SMAP2: variants seen among roughly 807,000 people sequenced by gnomAD.
The protein encoded by SMAP2 is small ArfGAP2.
A neutral mutation model predicts 56.4 loss-of-function variants in SMAP2; 25 were observed. That is an observed-to-expected ratio of 0.44 (90% confidence interval 0.32 to 0.62). The LOEUF (loss-of-function observed/expected upper bound fraction) is 0.62. SMAP2 is among the 20% of genes least tolerant of loss of function. The pLI, the probability that SMAP2 is intolerant of heterozygous loss-of-function variation, is 0.04. For synonymous variants in SMAP2, 157 were observed against 181.7 expected, an observed-to-expected ratio of 0.86 and a Z score of 1.09; for missense variants, 388 against 545.6, an observed-to-expected ratio of 0.71 and a Z score of 2.88.
In SMAP2 at chr1:40,374,329, A is replaced by T; in HGVS notation, c.103+106A>T. On this transcript the variant is annotated intron_variant, in intron 1 of 9. Transcript: ENST00000372718. This position sits in a 1 kb window ranked among gnomAD's most constrained non-coding sequence, Gnocchi z 5.9. The stretch of plus-strand genomic sequence containing the variant: ...AAGCTTAGGCCGCCCAACTCGGCTT[A>T]TAAGTGGTAACGCGTGCTGCGCTTG... 1 of 940,392 alleles carries T rather than the reference A, an allele frequency of 1.1e-6. No homozygotes were observed. The allele number at this position is 940,392 out of a possible 1,614,324, so 58.3% of individuals were successfully genotyped here.
chr1:40,391,582 T>G (rs1644717486), intron 1 of SMAP2, among the ~76,000 whole-genome samples: 1 of 152,108 alleles, frequency 6.6e-6, no homozygotes, highest in African/African-American at 2.4e-5. Context: ...GCATCCAGAA[T>G]CTAGTATTAT....
At chr1:40,391,557 G>A (rs968113235) in intron 1 of SMAP2, among the ~76,000 whole-genome samples, 2 of 152,090 alleles carry the variant, frequency 1.3e-5, no homozygotes, top group African/African-American at 2.4e-5. Context: ...GTTATGGATC[G>A]GGACTGGGTC....
intron 9 of SMAP2, 119 bp from the exon 10 acceptor site, chr1:40,421,857 G>C: frequency 8.6e-7 from 1 of 1,168,290 alleles, no homozygotes; most frequent in South Asian, 1.4e-5. Context: ...GTCCATAACA[G>C]AGTTTCCCTT....
chr1:40,386,944 T>A lies in SMAP2; in HGVS notation c.103+12721T>A, dbSNP rs755425605. 1.3e-4 allele frequency among the ~76,000 whole-genome samples: 19 copies of A among 150,720 alleles called. No individual in the cohort carries two copies. Among genetic ancestry groups the A allele is most frequent in the Non-Finnish European group, 2.8e-4 (19 of 67,730 alleles). On this transcript the variant is annotated intron_variant, in intron 1 of 9. Transcript: ENST00000372718. This position sits in a 1 kb window ranked among gnomAD's most constrained non-coding sequence, Gnocchi z 4.1. Reference sequence around the variant, plus strand: ...CGATCTCAGCTCACTGCAGCCTCTATCAGGCTTAAGCAGTTCTTCTGTCTC... The same window carrying A: ...CGATCTCAGCTCACTGCAGCCTCTAACAGGCTTAAGCAGTTCTTCTGTCTC...
chr1:40,414,143 C>G lies in SMAP2; in HGVS notation c.490-16C>G. 1 of 1,612,814 alleles carries G rather than the reference C, an allele frequency of 6.2e-7. No homozygotes were observed. Among genetic ancestry groups the G allele is most frequent in the Non-Finnish European group, 8.5e-7 (1 of 1,178,938 alleles). On this transcript the variant is annotated splice_polypyrimidine_tract_variant and intron_variant, in intron 5 of 9. Coordinates refer to ENST00000372718, the MANE Select transcript of SMAP2 (RefSeq NM_022733.3). The stretch of plus-strand genomic sequence containing the variant: ...ACCACCTGCTTATTTCTTGCTATAA[C>G]ATATTTTCACCTTAGCCACAGAAAA...
Position 40,413,265 on chromosome 1 carries a change from G to A in SMAP2, c.489+163G>A, listed in dbSNP as rs184375255. ...TGCCTGCTATCATTTCTGCTCTCTC[G>A]TTACCAGTTGCTGCCTAAATCTGCT... is the stretch of plus-strand genomic sequence containing the variant. On this transcript the variant is annotated intron_variant, in intron 5 of 9. Transcript: ENST00000372718. Among the ~76,000 whole-genome samples, 525 of 152,250 alleles carry A rather than the reference G, an allele frequency of 3.4e-3. 2 individuals are homozygous for A. The highest frequency in any genetic ancestry group is 0.012 in the African/African-American group (487 of 41,536).
chr1:40,406,643 T>C (rs972526494), intron 1 of SMAP2, 93 bp from the exon 2 acceptor site: 3 of 1,375,996 alleles, frequency 2.2e-6, no homozygotes, highest in African/African-American at 2.9e-5. Context: ...ATTTCACTTA[T>C]GTTCTAGCAG....
chr1:40,402,444 T>C (rs1644844318), intron 1 of SMAP2, among the ~76,000 whole-genome samples: 1 of 152,118 alleles, frequency 6.6e-6, no homozygotes, highest in South Asian at 2.1e-4. Context: ...CTTCTAACTG[T>C]ATTTTTGTAT....
intron 1 of SMAP2, among the ~76,000 whole-genome samples, chr1:40,378,246 C>T (rs1374503386): frequency 6.6e-6 from 1 of 152,168 alleles, no homozygotes; most frequent in African/African-American, 2.4e-5. Context: ...CACTTAGCCT[C>T]CCAAAGTGCT....
chr1:40,412,083 A>AT lies in SMAP2; in HGVS notation c.403-930dup, dbSNP rs969621447. On this transcript the variant is annotated intron_variant, in intron 4 of 9. Transcript: ENST00000372718. ...GCTAAATCACTGAAAGTAATAATTT[A>AT]TTTACCATTTCCCTTCTGTGGCATA... 9.2e-5 allele frequency among the ~76,000 whole-genome samples: 14 copies of AT among 152,274 alleles called. 1 individual carries two copies. Among genetic ancestry groups the AT allele is most frequent in the East Asian group, 5.8e-4 (3 of 5,190 alleles).
chr1:40,392,772 A>G lies in SMAP2; in HGVS notation c.104-13964A>G, dbSNP rs146028027. On this transcript the variant is annotated intron_variant, in intron 1 of 9. Transcript: ENST00000372718. Reference sequence around the variant, plus strand: ...TAAGCAATCTAAAACTTAAATCCACATAAGCAAAATAGTCATACTAGGTTT... The same window carrying G: ...TAAGCAATCTAAAACTTAAATCCACGTAAGCAAAATAGTCATACTAGGTTT... 6.9e-4 allele frequency among the ~76,000 whole-genome samples: 105 copies of G among 152,300 alleles called. 3 individuals are homozygous for G. In the East Asian group the frequency reaches 0.012, roughly 17 times the overall value.
chr1:40,377,709 T>C (rs1644553992), intron 1 of SMAP2, among the ~76,000 whole-genome samples: 1 of 152,218 alleles, frequency 6.6e-6, no homozygotes. Flanking sequence ...GGGGTCATAC[T>C]GGTCCAAGTT....
At chr1:40,372,137 C>A (rs188472052), upstream of SMAP2, among the ~76,000 whole-genome samples, 8 of 152,194 alleles carry the variant, frequency 5.3e-5, 1 homozygote, top group Admixed American at 2.0e-4. Flanking sequence ...TTAAAAGCTC[C>A]CTCTAGAGAG....
intron 1 of SMAP2, among the ~76,000 whole-genome samples, chr1:40,379,968 T>C (rs1644581433): frequency 6.6e-6 from 1 of 152,232 alleles, no homozygotes; most frequent in Non-Finnish European, 1.5e-5. Context: ...GTTAAATTCC[T>C]TTACTTTGCT....
In SMAP2 at chr1:40,416,856, C is replaced by T; in HGVS notation, c.924C>T (p.Ser308=). ...PSFPGVTPPN[S]IMGSMMPPPV... is the part of the protein sequence containing the mutation. ...TCCCCGGGGTTACACCTCCTAACAG[C>T]ATAATGGGGAGCATGATGCCTCCAC... The change falls in exon 9 of 10, where the codon AGC becomes AGT. Residue 308 remains serine, a synonymous_variant. Transcript: ENST00000372718. 1 of 1,614,228 alleles carries T rather than the reference C, an allele frequency of 6.2e-7. No homozygotes were observed.
Position 40,418,728 on chromosome 1 carries a change from A to G in SMAP2, c.1164+1632A>G, listed in dbSNP as rs948024434. Among the ~76,000 whole-genome samples, 13 of 152,380 alleles carry G rather than the reference A, an allele frequency of 8.5e-5. 1 individual carries two copies. The highest frequency in any genetic ancestry group is 5.8e-4 in the East Asian group (3 of 5,188). ...ACATCAGACTTCCTAGCAGCAAAAT[A>G]CAAAAAGAATAACAAGGAGAGTAGT... On this transcript the variant is annotated intron_variant, in intron 9 of 9. Coordinates refer to ENST00000372718, the MANE Select transcript of SMAP2 (RefSeq NM_022733.3).
chr1:40,414,400 C>G (rs1289965279), intron 6 of SMAP2, among the ~76,000 whole-genome samples, 160 bp downstream of exon 6: 2 of 152,230 alleles, frequency 1.3e-5, no homozygotes, highest in African/African-American at 4.8e-5. Flanking sequence ...AGCAGTTGCT[C>G]TAAGGAAGTG....
rs41306611 is a variant in SMAP2, at chr1:40,406,736, G to C, written c.104G>C (p.Gly35Ala). The change falls in exon 2 of 10, where the codon GGG becomes GCG. Residue 35 changes from glycine (G) to alanine (A), a missense_variant and splice_region_variant. Physicochemically the swap from Gly to Ala is moderately conservative, Grantham distance 60. Transcript: ENST00000372718. ...ATTGCCCTGTTCCTGACTTTCACAGGGCCGCGATGGGCCTCTTGGAACATT... is the reference window on the plus strand; with the variant it reads ...ATTGCCCTGTTCCTGACTTTCACAGCGCCGCGATGGGCCTCTTGGAACATT... The part of the protein sequence containing the change: ...NKFCADCQSK[G>A]PRWASWNIGV... 9 of 1,612,104 alleles carry C rather than the reference G, an allele frequency of 5.6e-6. No homozygotes were observed. The highest frequency in any genetic ancestry group is 7.6e-6 in the Non-Finnish European group (9 of 1,178,658).
chr1:40,358,539 A>G lies in SMAP2; in HGVS notation c.-82-3761A>G, dbSNP rs368910745. On this transcript the variant is annotated intron_variant, in intron 1 of 6. Transcript: ENST00000435168. ...AGACTGGGCGACAGAGCAAGATTCC[A>G]TCTCAAAACAAAACAAAACAAAAAA... is the stretch of plus-strand genomic sequence containing the variant. Among the ~76,000 whole-genome samples the G allele has an allele frequency of 9.2e-5, 14 of 152,218 alleles. 1 individual carries two copies. The highest frequency in any genetic ancestry group is 5.8e-4 in the East Asian group (3 of 5,174).
Sources: allele counts gnomAD v4.1 joint callset (sites outside exome capture counted in the v4.1 genomes callset), GRCh38; gene constraint gnomAD v4.1.1; non-coding constraint Gnocchi (gnomAD v3.1); transcripts MANE v1.5; gene names NCBI Gene and HGNC (gene_info 2026-07-23, HGNC 2026-07-21).